Variants in NRXN3 observed in about 807,000 individuals in gnomAD.
NRXN3 encodes the protein neurexin III.
In NRXN3, 32 loss-of-function variants were observed where a neutral mutation model predicts 137.6. The ratio of observed to expected loss-of-function variants is 0.23; its 90% confidence interval spans 0.18 to 0.31. The LOEUF (loss-of-function observed/expected upper bound fraction) is 0.31. NRXN3 is among the 10% of genes least tolerant of loss of function. The pLI is 1.00. For missense variants in NRXN3, 1,574 were observed against 2,062.5 expected, an observed-to-expected ratio of 0.76 and a Z score of 4.59; for synonymous variants, 798 against 784.5, an observed-to-expected ratio of 1.02 and a Z score of -0.29.
intron 20 of NRXN3, among the ~76,000 whole-genome samples, chr14:79,826,681 G>A (rs774500899): frequency 1.1e-4 from 16 of 152,228 alleles, no homozygotes; most frequent in African/African-American, 1.9e-4. Context: ...TTGCACCAGC[G>A]TCTGCATAAT....
chr14:79,053,957 A>T (rs1181446884), intron 15 of NRXN3, among the ~76,000 whole-genome samples: 1 of 152,028 alleles, frequency 6.6e-6, no homozygotes, highest in Non-Finnish European at 1.5e-5. Context: ...TTCCTCTTGC[A>T]GCTGGGTCTT....
At chr14:79,771,394 G>A (rs547359658) in intron 19 of NRXN3, among the ~76,000 whole-genome samples, 80 of 152,176 alleles carry the variant, frequency 5.3e-4, no homozygotes, top group Non-Finnish European at 4.7e-4. Context: ...CTGGCAAACC[G>A]ACTCCAGCAG....
intron 15 of NRXN3, among the ~76,000 whole-genome samples, chr14:79,024,624 G>T (rs1239187391): frequency 6.6e-6 from 1 of 152,040 alleles, no homozygotes; most frequent in Admixed American, 6.6e-5. Context: ...CAGGAATGTT[G>T]GTCTTTCTTG....
intron 15 of NRXN3, among the ~76,000 whole-genome samples, chr14:79,348,409 T>C (rs1206312173): frequency 6.7e-6 from 1 of 149,164 alleles, no homozygotes. Context: ...AGAGTCTCGC[T>C]CTGTCGCCCA....
chr14:79,665,570 T>A (rs2098553716), intron 17 of NRXN3, among the ~76,000 whole-genome samples: 1 of 152,044 alleles, frequency 6.6e-6, no homozygotes, highest in Admixed American at 6.6e-5. Context: ...AAAAAATCAA[T>A]CTCTCTCTCC....
chr14:79,021,904 C>A (rs1212113350), intron 15 of NRXN3, among the ~76,000 whole-genome samples: 1 of 152,146 alleles, frequency 6.6e-6, no homozygotes, highest in Non-Finnish European at 1.5e-5. Context: ...CAAGTTGTGG[C>A]ATAGTGTTGG....
intron 1 of NRXN3, among the ~76,000 whole-genome samples, chr14:78,181,823 C>T (rs915736976): frequency 6.6e-6 from 1 of 152,056 alleles, no homozygotes; most frequent in Non-Finnish European, 1.5e-5. Flanking sequence ...CTGGAAGGGA[C>T]CTGGGTGATC....
chr14:79,733,440 T>C (rs1230095993), intron 19 of NRXN3, among the ~76,000 whole-genome samples: 3 of 152,182 alleles, frequency 2.0e-5, no homozygotes, highest in Admixed American at 2.0e-4. Context: ...GTATCCTTTT[T>C]TTCCTTAAGG....
intron 6 of NRXN3, among the ~76,000 whole-genome samples, chr14:78,656,225 C>A (rs531716134): frequency 6.6e-6 from 1 of 152,290 alleles, no homozygotes; most frequent in East Asian, 1.9e-4. Flanking sequence ...GGCAGACACA[C>A]GCATAAATGC....
At chr14:79,754,752 A>T (rs369791836) in intron 19 of NRXN3, among the ~76,000 whole-genome samples, 1 of 151,630 alleles carries the variant, frequency 6.6e-6, no homozygotes, top group African/African-American at 2.4e-5. Flanking sequence ...TATCATCTGA[A>T]TTGTAATCCC....
chr14:79,030,273 A>G (rs148571815), intron 15 of NRXN3, among the ~76,000 whole-genome samples: 29 of 152,040 alleles, frequency 1.9e-4, no homozygotes, highest in African/African-American at 6.7e-4. Flanking sequence ...AAAAATCTCT[A>G]AACATTGCCA....
In NRXN3 at chr14:78,913,799, T is replaced by C. The variant is rs2099247617; in HGVS notation, c.2276-43443T>C. 2.6e-5 allele frequency among the ~76,000 whole-genome samples: 4 copies of C among 152,142 alleles called. No individual in the cohort carries two copies. The South Asian group carries it at 8.3e-4, about 32-fold the overall frequency. ...AAATCTGGACTGCTTTGTTTGGAGA[T>C]GCCTCATGGGAAGGTGGGAGCTCTG... On this transcript the variant is annotated intron_variant, in intron 10 of 20. Transcript: ENST00000335750.
intron 1 of NRXN3, among the ~76,000 whole-genome samples, chr14:78,216,672 T>C (rs2063317418): frequency 6.6e-6 from 1 of 152,220 alleles, no homozygotes; most frequent in African/African-American, 2.4e-5. Flanking sequence ...CTGGGACAGC[T>C]CTAACAAAGT....
rs115419161 is a variant in NRXN3 at position 79,632,645 on chromosome 14, C to T, written c.3445-31133C>T. 9.8e-4 allele frequency among the ~76,000 whole-genome samples: 149 copies of T among 151,802 alleles called. 1 individual carries two copies. The highest frequency in any genetic ancestry group is 3.5e-3 in the African/African-American group (146 of 41,136). On this transcript the variant is annotated intron_variant, in intron 16 of 20. Coordinates refer to ENST00000335750, the MANE Select transcript of NRXN3 (RefSeq NM_001330195.2). ...ATTATATCTCTGTCTTTGCCTAAGA[C>T]GTGTATTAAATAACAGCAATACAAA...
At chr14:78,247,899 T>G (rs1596341830) in intron 2 of NRXN3, among the ~76,000 whole-genome samples, 1 of 152,330 alleles carries the variant, frequency 6.6e-6, no homozygotes, top group East Asian at 1.9e-4. Flanking sequence ...GGTGTATAAA[T>G]TTCAGGACCA....
intron 10 of NRXN3, among the ~76,000 whole-genome samples, chr14:78,820,833 C>CA (rs1397427496): frequency 6.6e-6 from 1 of 152,078 alleles, no homozygotes; most frequent in Non-Finnish European, 1.5e-5. Context: ...AAAAAAGAGG[C>CA]AAAATGTAAT....
intron 10 of NRXN3, among the ~76,000 whole-genome samples, chr14:78,826,219 T>A (rs1370217956): frequency 6.6e-6 from 1 of 152,196 alleles, no homozygotes; most frequent in East Asian, 1.9e-4. Context: ...GAAAGCTTTT[T>A]CCTTTCTTTC....
intron 1 of NRXN3, among the ~76,000 whole-genome samples, chr14:78,233,496 A>G (rs975962303): frequency 1.3e-5 from 2 of 152,162 alleles, no homozygotes; most frequent in Admixed American, 1.3e-4. Context: ...AGTACTGGAC[A>G]TAGAACCCCT....
At chr14:78,279,594 A>G (rs953229335) in intron 3 of NRXN3, 1 of 152,182 alleles carries the variant, frequency 6.6e-6, no homozygotes, top group Non-Finnish European at 1.5e-5. Flanking sequence ...ATTTTAATGT[A>G]CAGGAAATTT....
Sources: gnomAD v4.1 joint callset for allele counts (sites outside exome capture counted in the v4.1 genomes callset) on GRCh38, gnomAD v4.1.1 for gene constraint, MANE v1.5 for transcripts, NCBI Gene and HGNC (gene_info 2026-07-23, HGNC 2026-07-21) for gene names.